Variants in DCLK1 observed in about 807,000 individuals in gnomAD.
The protein encoded by DCLK1 is serine/threonine-protein kinase DCLK1.
DCLK1 carries 16 observed loss-of-function variants against 86.2 expected under a neutral mutation model. The ratio of observed to expected loss-of-function variants is 0.19; its 90% confidence interval spans 0.13 to 0.28. The LOEUF (loss-of-function observed/expected upper bound fraction) is 0.28. Ranked by LOEUF, DCLK1 falls within the 10% of genes least tolerant of loss-of-function variation. The pLI, the probability that DCLK1 is intolerant of heterozygous loss-of-function variation, is 1.00. For synonymous variants in DCLK1, 369 were observed against 370.5 expected (o/e 1.00, Z 0.05); for missense variants, 590 against 940.2 (o/e 0.63, Z 4.87).
chr13:36,049,291 G>C (rs1315238870), intron 3 of DCLK1, among the ~76,000 whole-genome samples: 1 of 152,146 alleles, frequency 6.6e-6, no homozygotes, highest in East Asian at 1.9e-4. Context: ...AGCATATTCT[G>C]ATTTTTGCTA....
intron 11 of DCLK1, among the ~76,000 whole-genome samples, chr13:35,815,871 T>C (rs952564190): frequency 1.3e-5 from 2 of 151,968 alleles, no homozygotes; most frequent in African/African-American, 4.8e-5. Flanking sequence ...TTAAATGAAA[T>C]AATAAAAATA....
intron 2 of DCLK1, among the ~76,000 whole-genome samples, chr13:36,114,565 G>T (rs1009579371): frequency 2.0e-5 from 3 of 152,196 alleles, no homozygotes; most frequent in Non-Finnish European, 4.4e-5. Flanking sequence ...ATTTCCTTAT[G>T]CTAATAAATT....
At chr13:36,048,954 G>A (rs1176111244) in intron 3 of DCLK1, among the ~76,000 whole-genome samples, 6 of 152,146 alleles carry the variant, frequency 3.9e-5, no homozygotes, top group Admixed American at 3.9e-4. Context: ...TGGAAGTGGA[G>A]GGAGGCTGGG....
chr13:35,840,697 G>C (rs549568949), intron 6 of DCLK1, among the ~76,000 whole-genome samples: 2 of 152,224 alleles, frequency 1.3e-5, no homozygotes, highest in Non-Finnish European at 1.5e-5. Flanking sequence ...CATATGTCAG[G>C]CTACAAAAAC....
chr13:35,829,704 A>G (rs1417046744), intron 8 of DCLK1, among the ~76,000 whole-genome samples: 2 of 152,206 alleles, frequency 1.3e-5, no homozygotes, highest in South Asian at 4.1e-4. Context: ...TTATGATTCT[A>G]TCTGCTGAAT....
intron 4 of DCLK1, among the ~76,000 whole-genome samples, chr13:35,911,291 C>CAAA (rs11295431): frequency 8.3e-6 from 1 of 119,776 alleles, no homozygotes; most frequent in Non-Finnish European, 1.8e-5. Context: ...GAGATTCCGT[C>CAAA]AAAAAAAAAA....
intron 3 of DCLK1, among the ~76,000 whole-genome samples, chr13:35,983,635 G>C (rs906493385): frequency 1.3e-5 from 2 of 152,294 alleles, no homozygotes; most frequent in South Asian, 2.1e-4. Flanking sequence ...GCAACACAAA[G>C]GATAATGCTT....
chr13:35,803,466 G>A (rs956404756), intron 15 of DCLK1, among the ~76,000 whole-genome samples: 1 of 152,168 alleles, frequency 6.6e-6, no homozygotes, highest in Non-Finnish European at 1.5e-5. Context: ...TATATGAGAA[G>A]CCTTAAAACA....
At chr13:35,919,968 C>T (rs1409594658) in intron 4 of DCLK1, among the ~76,000 whole-genome samples, 1 of 151,934 alleles carries the variant, frequency 6.6e-6, no homozygotes, top group Non-Finnish European at 1.5e-5. Flanking sequence ...ACACAGCCGG[C>T]AAATAAAATA....
chr13:35,945,346 C>G (rs1394544563), intron 4 of DCLK1, among the ~76,000 whole-genome samples: 1 of 152,134 alleles, frequency 6.6e-6, no homozygotes, highest in East Asian at 1.9e-4. Flanking sequence ...GGAGTAGCTG[C>G]GGCATCCTGG....
chr13:35,896,496 C>T (rs1300835799), intron 4 of DCLK1, among the ~76,000 whole-genome samples: 1 of 133,594 alleles, frequency 7.5e-6, no homozygotes, highest in East Asian at 2.1e-4. Context: ...AAAGATTGCG[C>T]CATTGCACCC....
At chr13:35,808,419 T>A in intron 13 of DCLK1, 99 bp from the exon 14 acceptor site, 1 of 961,106 alleles carries the variant, frequency 1.0e-6, no homozygotes, top group South Asian at 1.3e-5. Flanking sequence ...TTTCCCCCCA[T>A]AAATGTGTAA....
At chr13:35,994,024 C>T (rs757892880) in intron 3 of DCLK1, among the ~76,000 whole-genome samples, 2 of 151,608 alleles carry the variant, frequency 1.3e-5, no homozygotes, top group Non-Finnish European at 2.9e-5. Context: ...TTTCTCTCAT[C>T]TGCAAAACAT....
chr13:35,853,143 T>A (rs1160743217), intron 6 of DCLK1, among the ~76,000 whole-genome samples: 1 of 152,132 alleles, frequency 6.6e-6, no homozygotes, highest in East Asian at 1.9e-4. Context: ...ATTCTTGGAG[T>A]TGTTCACAAA....
At chr13:35,921,413 A>G (rs1875794513) in intron 4 of DCLK1, among the ~76,000 whole-genome samples, 1 of 152,122 alleles carries the variant, frequency 6.6e-6, no homozygotes, top group Admixed American at 6.5e-5. Flanking sequence ...CACCTCGGGC[A>G]CCAGCTAACA....
chr13:35,894,165 G>A (rs567330484), intron 4 of DCLK1, among the ~76,000 whole-genome samples: 13 of 152,052 alleles, frequency 8.5e-5, no homozygotes, highest in Admixed American at 2.6e-4. Flanking sequence ...CCAAACCCTT[G>A]TATCTGAAAT....
rs117788853 is a variant in DCLK1 at position 35,984,087 on chromosome 13, G to A, written c.724-36630C>T. On this transcript the variant is annotated intron_variant, in intron 3 of 16. Transcript: ENST00000360631. ...TGTGAAAACTGCTGACACACAGTAG[G>A]TTGTCAATAAGTGCTCAATCTGGAA... Among the ~76,000 whole-genome samples, 170 of 152,302 alleles carry A rather than the reference G, an allele frequency of 1.1e-3. 2 individuals are homozygous for A. The highest frequency in any genetic ancestry group is 1.6e-3 in the Admixed American group (25 of 15,300).
At chr13:36,068,370 C>G (rs1344279341) in intron 3 of DCLK1, among the ~76,000 whole-genome samples, 1 of 152,102 alleles carries the variant, frequency 6.6e-6, no homozygotes, top group Non-Finnish European at 1.5e-5. Flanking sequence ...ACTCTTTACA[C>G]AAAGCCACAG....
intron 4 of DCLK1, among the ~76,000 whole-genome samples, chr13:35,922,036 A>G (rs2153127104): frequency 6.6e-6 from 1 of 152,316 alleles, no homozygotes; most frequent in East Asian, 1.9e-4. Flanking sequence ...AGTTCTATCC[A>G]ACAAAAACCT....
Sources: gnomAD v4.1 joint callset for allele counts (sites outside exome capture counted in the v4.1 genomes callset) on GRCh38, gnomAD v4.1.1 for gene constraint, MANE v1.5 for transcripts, NCBI Gene and HGNC (gene_info 2026-07-23, HGNC 2026-07-21) for gene names.